Variants in PNPLA2 observed in about 807,000 individuals in gnomAD.
PNPLA2 encodes patatin-like phospholipase domain-containing protein 2.
A neutral mutation model predicts 39.7 loss-of-function variants in PNPLA2; 28 were observed. The ratio of observed to expected loss-of-function variants is 0.70; its 90% CI spans 0.52 to 0.97. The LOEUF (loss-of-function observed/expected upper bound fraction) is 0.97. PNPLA2 is among the 50% of genes least tolerant of loss of function. The pLI, the probability that PNPLA2 is intolerant of heterozygous loss-of-function variation, is 0.00. For synonymous variants in PNPLA2, 392 were observed against 321.1 expected (o/e 1.22, Z -2.36); for missense variants, 768 against 698.2 (o/e 1.10, Z -1.13).
rs752158626 is a variant in PNPLA2, at chr11:823,758, C to G, written c.822C>G (p.Asp274Glu). 5.0e-6 allele frequency: 8 copies of G among 1,608,876 alleles called. No homozygotes were observed. Among genetic ancestry groups the G allele is most frequent in the South Asian group, 2.2e-5 (2 of 90,570 alleles). The change falls in exon 7 of 10, where the codon GAC (aspartate) becomes GAG (glutamate). Residue 274 changes from aspartate to glutamate, a missense_variant. Transcript: ENST00000336615. Reference protein sequence around the residue: ...LPPARPHGPEDKDQAVESAQA... With the variant: ...LPPARPHGPEEKDQAVESAQA... ...CCGCCCGCCCCCACGGCCCAGAGGA[C>G]AAGGACCAGGCAGTGGAGAGCGCCC...
chr11:825,033 C>G lies in PNPLA2; in HGVS notation c.*171C>G. The G allele has an allele frequency of 1.5e-6, 1 of 672,156 alleles. No homozygotes were observed. Among genetic ancestry groups the G allele is most frequent in the Non-Finnish European group, 2.7e-6 (1 of 375,226 alleles). 41.6% of individuals were successfully genotyped at this position (672,156 alleles called of 1,614,324 possible). On this transcript the variant is annotated 3_prime_UTR_variant, in exon 10 of 10. Transcript: ENST00000336615. ...GTTTCCACACCCCTCCCCTGGGCCGCTGAGGCCCCGCGCACCTGTGCCTTA... is the reference window on the plus strand; with the variant it reads ...GTTTCCACACCCCTCCCCTGGGCCGGTGAGGCCCCGCGCACCTGTGCCTTA...
At chr11:820,000 T>TACCCCA (rs1438920079) in intron 2 of PNPLA2, 95 bp downstream of exon 2, 14 of 986,340 alleles carry the variant, frequency 1.4e-5, no homozygotes, top group Admixed American at 1.3e-4. Flanking sequence ...CCGCGGCGAG[T>TACCCCA]CGGTGGGTAC....
At position 823,728 on chromosome 11, in the gene PNPLA2, G is replaced by GGCCCCCCCCCCCC; in HGVS notation, c.792_793insGCCCCCCCCCCCC (p.Pro265AlafsTer46). The GGCCCCCCCCCCCC allele has an allele frequency of 1.3e-6, 2 of 1,597,144 alleles. No homozygotes were observed. The highest frequency in any genetic ancestry group is 1.7e-6 in the Non-Finnish European group (2 of 1,168,728). ...ACCGGCCCAACCCCTTGCTGGCGTT[G>GGCCCCCCCCCCCC]CCCCCCGCCCGCCCCCACGGCCCAG... On this transcript the variant is annotated frameshift_variant, in exon 7 of 10. Transcript: ENST00000336615. LOFTEE classifies it high-confidence loss of function.
chr11:824,176 T>G, intron 8 of PNPLA2, 46 bp downstream of exon 8: 1 of 1,568,904 alleles, frequency 6.4e-7, no homozygotes, highest in Non-Finnish European at 8.6e-7. Flanking sequence ...GGACGGACTT[T>G]GGGATCATCC....
At chr11:820,565 C>G (rs1751469581) in intron 2 of PNPLA2, among the ~76,000 whole-genome samples, 2 of 152,192 alleles carry the variant, frequency 1.3e-5, no homozygotes, top group Admixed American at 6.5e-5. Flanking sequence ...GTGTGCTGGG[C>G]TGGCCTCGGC....
In PNPLA2 at chr11:824,825, C is replaced by A; in HGVS notation, c.1478C>A (p.Pro493His). Residue 493 changes from proline (P) to histidine (H), a missense_variant, in exon 10 of 10, where the codon CCC (proline) becomes CAC (histidine). By Grantham distance (77) the Pro-to-His change is moderately conservative. Transcript: ENST00000336615. ...GPAPLLSTPA[P>H]EARPVIGALG... ...GCCCCCTTGCTGAGCACCCCTGCTC[C>A]CGAGGCCCGGCCCGTGATCGGGGCC... 6 of 1,534,962 alleles carry A rather than the reference C, an allele frequency of 3.9e-6. No individual in the cohort carries two copies. Among genetic ancestry groups the A allele is most frequent in the Non-Finnish European group, 5.2e-6 (6 of 1,146,384 alleles).
Position 821,771 on chromosome 11 carries a change from A to C in PNPLA2, c.331A>C (p.Ser111Arg). The C allele has an allele frequency of 6.2e-7, 1 of 1,613,932 alleles. No individual in the cohort carries two copies. The highest frequency in any genetic ancestry group is 1.1e-5 in the South Asian group (1 of 91,080). Residue 111 changes from serine (S) to arginine (R), a missense_variant, in exon 3 of 10, where the codon AGT (serine) becomes CGT (arginine). Physicochemically the swap from Ser to Arg is moderately radical, Grantham distance 110 (BLOSUM62 -1). Transcript: ENST00000336615. ...VLPADSHEHA[S>R]GRLGISLTRV... ...GCCTGCTGATAGCCATGAGCATGCC[A>C]GTGGGCGCCTGGGCATCTCCCTGAC... is the stretch of plus-strand genomic sequence containing the variant.
chr11:822,619 C>T lies in PNPLA2; in HGVS notation c.696+13C>T. ...GCCGGAGCCCCTGGTGAGCTCTGCTCCGAGGACTGTGGCCTTCCCAGCCAC... is the reference window on the plus strand; with the variant it reads ...GCCGGAGCCCCTGGTGAGCTCTGCTTCGAGGACTGTGGCCTTCCCAGCCAC... On this transcript the variant is annotated intron_variant, in intron 5 of 9. Coordinates refer to ENST00000336615, the MANE Select transcript of PNPLA2 (RefSeq NM_020376.4). 1 of 1,608,090 alleles carries T rather than the reference C, an allele frequency of 6.2e-7. No individual in the cohort carries two copies. Among genetic ancestry groups the T allele is most frequent in the Non-Finnish European group, 8.5e-7 (1 of 1,175,582 alleles).
chr11:824,957 C>T lies in PNPLA2; in HGVS notation c.*95C>T. 2.9e-6 allele frequency: 3 copies of T among 1,041,354 alleles called. No individual in the cohort carries two copies. Among genetic ancestry groups the T allele is most frequent in the Non-Finnish European group, 4.3e-6 (3 of 701,586 alleles). The allele number at this position is 1,041,354 out of a possible 1,614,324, so 64.5% of individuals were successfully genotyped here. On this transcript the variant is annotated 3_prime_UTR_variant, in exon 10 of 10. Transcript: ENST00000336615. ...TCACAGTTGCCAAGAGGGGTCTTTG[C>T]CGTGGGCCCCCTCGCCAGCCACTCA... is the stretch of plus-strand genomic sequence containing the variant.
At chr11:824,174 T>C in intron 8 of PNPLA2, 44 bp downstream of exon 8, 1 of 1,569,566 alleles carries the variant, frequency 6.4e-7, no homozygotes, top group South Asian at 1.2e-5. Flanking sequence ...GGGGACGGAC[T>C]TTGGGATCAT....
rs1205958640 is a variant in PNPLA2 at position 824,774 on chromosome 11, C to A, written c.1427C>A (p.Ser476Tyr). 7 of 1,542,288 alleles carry A rather than the reference C, an allele frequency of 4.5e-6. No homozygotes were observed. In the East Asian group the frequency reaches 7.2e-5, roughly 16 times the overall value. ...DPAPAPADPA[S>Y]PQHQLAGPAP... ...GCTCCCGCCCCCGCGGACCCAGCATCCCCGCAGCACCAGCTGGCCGGGCCT... is the reference window on the plus strand; with the variant it reads ...GCTCCCGCCCCCGCGGACCCAGCATACCCGCAGCACCAGCTGGCCGGGCCT... The change falls in exon 10 of 10, where the codon TCC becomes TAC. Residue 476 changes from serine (S) to tyrosine (Y), a missense_variant. Transcript: ENST00000336615.
chr11:824,154 G>C (rs771558893), intron 8 of PNPLA2, 24 bp downstream of exon 8: 42 of 1,581,966 alleles, frequency 2.7e-5, no homozygotes, highest in Non-Finnish European at 3.5e-5. Context: ...GGGGTCGGGA[G>C]AGGGGCCCAG....
In PNPLA2 at chr11:823,534, G is replaced by C; in HGVS notation, c.704G>C (p.Arg235Pro). 6.2e-7 allele frequency: 1 copy of C among 1,609,504 alleles called. No individual in the cohort carries two copies. Among genetic ancestry groups the C allele is most frequent in the Non-Finnish European group, 8.5e-7 (1 of 1,178,456 alleles). The part of the protein sequence containing the change: ...ALFPPEPLVL[R>P]EMCKQGYRDG... ...TAACCCTCCTCACTGCAGGTGCTGC[G>C]AGAGATGTGCAAGCAGGGATACCGG... The change falls in exon 6 of 10, where the codon CGA becomes CCA. Residue 235 changes from arginine to proline, a missense_variant. By Grantham distance (103) the Arg-to-Pro change is moderately radical. Transcript: ENST00000336615.
chr11:824,396 A>G lies in PNPLA2; in HGVS notation c.1135A>G (p.Met379Val). The G allele has an allele frequency of 6.4e-7, 1 of 1,554,090 alleles. No homozygotes were observed. Among genetic ancestry groups the G allele is most frequent in the Non-Finnish European group, 8.7e-7 (1 of 1,149,168 alleles). Residue 379 changes from methionine (M) to valine (V), a missense_variant, in exon 9 of 10, where the codon ATG becomes GTG. Coordinates refer to ENST00000336615, the MANE Select transcript of PNPLA2 (RefSeq NM_020376.4). ...GGGCAGCATCTGCCAGTACCTGGTG[A>G]TGCGCGCCAAGAGGAAGCTGGGCAG... is the stretch of plus-strand genomic sequence containing the variant. ...QTGSICQYLVMRAKRKLGRHL... is the reference protein window; with the variant it reads ...QTGSICQYLVVRAKRKLGRHL...
Position 823,558 on chromosome 11 carries a change from G to A in PNPLA2, c.728G>A (p.Arg243Gln), listed in dbSNP as rs954069066. 5 of 1,611,200 alleles carry A rather than the reference G, an allele frequency of 3.1e-6. No individual in the cohort carries two copies. Among genetic ancestry groups the A allele is most frequent in the East Asian group, 2.2e-5 (1 of 44,796 alleles). Residue 243 changes from arginine (R) to glutamine (Q), a missense_variant, in exon 6 of 10, where the codon CGG (arginine) becomes CAG (glutamine). Physicochemically the swap from Arg to Gln is conservative, Grantham distance 43. Transcript: ENST00000336615. Reference protein sequence around the residue: ...VLREMCKQGYRDGLRFLQRNG... With the variant: ...VLREMCKQGYQDGLRFLQRNG... Reference sequence around the variant, plus strand: ...CGAGAGATGTGCAAGCAGGGATACCGGGATGGCCTGCGCTTTCTGCAGCGG... The same window carrying A: ...CGAGAGATGTGCAAGCAGGGATACCAGGATGGCCTGCGCTTTCTGCAGCGG...
chr11:819,474 A>C, intron 1 of PNPLA2, 100 bp from the exon 2 acceptor site: 3 of 1,211,330 alleles, frequency 2.5e-6, no homozygotes. Flanking sequence ...TCCCGAGGGC[A>C]CGGCCGTTCC....
intron 5 of PNPLA2, 27 bp downstream of exon 5, chr11:822,633 C>T (rs770321660): frequency 1.3e-6 from 2 of 1,564,366 alleles, no homozygotes; most frequent in Admixed American, 3.3e-5. Context: ...GGACTGTGGC[C>T]TTCCCAGCCA....
chr11:824,868 C>T lies in PNPLA2; in HGVS notation c.*6C>T. On this transcript the variant is annotated 3_prime_UTR_variant, in exon 10 of 10. Transcript: ENST00000336615. ...TCGGGGCCCTGGGGCTGTGAGACCC[C>T]GACCCTCTCGAGGAACCCTGCCTGA... 1.3e-6 allele frequency: 2 copies of T among 1,531,802 alleles called. No homozygotes were observed. The highest frequency in any genetic ancestry group is 1.4e-5 in the African/African-American group (1 of 73,032). The allele number at this position is 1,531,802 out of a possible 1,614,324, so 94.9% of individuals were successfully genotyped here. A position where few individuals can be genotyped will look rare whatever the true frequency, so the allele number is the denominator to read the frequency against.
Position 824,570 on chromosome 11 carries a change from T to C in PNPLA2, c.1223T>C (p.Val408Ala). 1 of 1,573,926 alleles carries C rather than the reference T, an allele frequency of 6.4e-7. No individual in the cohort carries two copies. The highest frequency in any genetic ancestry group is 2.3e-5 in the East Asian group (1 of 43,194). The change falls in exon 10 of 10, where the codon GTG becomes GCG. Residue 408 changes from valine (V) to alanine (A), a missense_variant. Val to Ala is a moderately conservative substitution (Grantham distance 64). Transcript: ENST00000336615. ...ELRRVQSLPSVPLSCAAYREA... is the reference protein window; with the variant it reads ...ELRRVQSLPSAPLSCAAYREA... ...CGCCGCGTCCAGTCGCTGCCGTCCG[T>C]GCCGCTGTCCTGCGCCGCCTACAGA...
Sources: allele counts gnomAD v4.1 joint callset (sites outside exome capture counted in the v4.1 genomes callset), GRCh38; gene constraint gnomAD v4.1.1; transcripts MANE v1.5; gene names NCBI Gene and HGNC (gene_info 2026-07-23, HGNC 2026-07-21).